The following B4GALT6 variants were observed in gnomAD, a reference collection of about 807,000 sequenced individuals.
B4GALT6 encodes the protein UDP-Gal:beta-GlcNAc beta-1,4-galactosyltransferase 6.
In B4GALT6, 14 loss-of-function variants were observed where a neutral mutation model predicts 46.3. The ratio of observed to expected loss-of-function variants is 0.30; its 90% CI spans 0.20 to 0.47. The LOEUF is 0.47. Among genes scored for constraint, B4GALT6 ranks in the 20% least tolerant of loss-of-function variants. The probability of loss-of-function intolerance (pLI) is 0.99; values close to 1 mark genes in which losing one functional copy is unlikely to be tolerated. For synonymous variants in B4GALT6, 168 were observed against 162.0 expected, an observed-to-expected ratio of 1.04 and a Z score of -0.28; for missense variants, 386 against 480.1, an observed-to-expected ratio of 0.80 and a Z score of 1.83.
chr18:31,717,942 G>A, the B4GALT6 span, among the ~76,000 whole-genome samples: 12 of 95,570 alleles, frequency 1.3e-4, no homozygotes, highest in East Asian at 1.7e-3. Context: ...CAAAAAGAGC[G>A]AAACTCCGTC....
upstream of B4GALT6, chr18:31,684,742 G>A (rs1317964300): frequency 1.8e-6 from 2 of 1,097,134 alleles, no homozygotes; most frequent in East Asian, 5.9e-5. Flanking sequence ...GAGGAGGAGC[G>A]TTTTCTCCGC....
At chr18:31,707,650 C>T in the B4GALT6 span, among the ~76,000 whole-genome samples, 6 of 152,212 alleles carry the variant, frequency 3.9e-5, no homozygotes, top group African/African-American at 1.2e-4. Flanking sequence ...TTAATCTTCC[C>T]TGACATTGTC....
chr18:31,716,676 C>G, the B4GALT6 span, among the ~76,000 whole-genome samples: 1 of 152,174 alleles, frequency 6.6e-6, no homozygotes, highest in Non-Finnish European at 1.5e-5. Context: ...AGAAGTTGAC[C>G]TACCCTGGAA....
chr18:31,629,237 T>C (rs1476793677), intron 6 of B4GALT6, among the ~76,000 whole-genome samples: 2 of 152,126 alleles, frequency 1.3e-5, no homozygotes, highest in African/African-American at 4.8e-5. Context: ...AGTTAAGCTT[T>C]TGGGGAGTCA....
At position 31,625,746 on chromosome 18, in the gene B4GALT6, C is replaced by T; in HGVS notation, c.1017G>A (p.Arg339=). 1.3e-6 allele frequency: 2 copies of T among 1,591,420 alleles called. No individual in the cohort carries two copies. Among genetic ancestry groups the T allele is most frequent in the Non-Finnish European group, 1.7e-6 (2 of 1,173,688 alleles). The part of the protein sequence containing the change: ...VQFLGRYKLL[R]YSKERQYIDG... ...CGATGTACTGACGCTCCTTGGAATA[C>T]CTTAGTAATTTATACCTATAGTTTT... Residue 339 remains arginine, a synonymous_variant, in exon 9 of 9, where the codon AGG becomes AGA. Coordinates refer to ENST00000306851, the MANE Select transcript of B4GALT6 (RefSeq NM_004775.5).
At chr18:31,661,499 A>C (rs942355851) in intron 2 of B4GALT6, among the ~76,000 whole-genome samples, 4 of 152,208 alleles carry the variant, frequency 2.6e-5, no homozygotes, top group Non-Finnish European at 5.9e-5. Flanking sequence ...ATAAATATTG[A>C]ATGGCAAGTT....
At chr18:31,697,043 AGT>A in the B4GALT6 span, among the ~76,000 whole-genome samples, 2 of 152,168 alleles carry the variant, frequency 1.3e-5, no homozygotes, top group Non-Finnish European at 2.9e-5. Context: ...AGCTGAGGCA[AGT>A]GGATCACTTG....
At chr18:31,668,244 T>A (rs917190423) in intron 1 of B4GALT6, among the ~76,000 whole-genome samples, 1 of 152,054 alleles carries the variant, frequency 6.6e-6, no homozygotes, top group South Asian at 2.1e-4. Flanking sequence ...CACTTGTAAG[T>A]GGGAGCTAGA....
chr18:31,674,853 T>A (rs1598927944), intron 1 of B4GALT6, among the ~76,000 whole-genome samples: 1 of 146,772 alleles, frequency 6.8e-6, no homozygotes, highest in Non-Finnish European at 1.5e-5. Flanking sequence ...CCAGGCTGTT[T>A]AAAAAAAAAA....
chr18:31,674,303 T>C (rs754706589), intron 1 of B4GALT6, among the ~76,000 whole-genome samples: 44 of 152,038 alleles, frequency 2.9e-4, no homozygotes, highest in Non-Finnish European at 6.0e-4. Flanking sequence ...TTGGAAGAAA[T>C]GTTGGTTCAA....
At chr18:31,710,194 A>T in the B4GALT6 span, among the ~76,000 whole-genome samples, 1 of 152,176 alleles carries the variant, frequency 6.6e-6, no homozygotes, top group African/African-American at 2.4e-5. Flanking sequence ...ACCAAGTCAC[A>T]CAAGTATAAA....
At chr18:31,639,093 ACCAAAAATTGACTCAGGGAGCTAGTTAGG>A (rs1159123865) in intron 4 of B4GALT6, among the ~76,000 whole-genome samples, 1 of 152,216 alleles carries the variant, frequency 6.6e-6, no homozygotes, top group African/African-American at 2.4e-5. Context: ...ACTGGAGAAG[ACCAAAAATTGACTCAGGGAGCTAGTTAGG>A]CAATTAGTAC....
At chr18:31,690,277 GC>G (rs1439857594), upstream of B4GALT6, among the ~76,000 whole-genome samples, 1 of 150,282 alleles carries the variant, frequency 6.7e-6, no homozygotes, top group African/African-American at 2.5e-5. Flanking sequence ...GATTACAGGT[GC>G]CCACCACCAT....
intron 5 of B4GALT6, 133 bp downstream of exon 5, chr18:31,638,511 A>G (rs1210775220): frequency 1.3e-6 from 1 of 771,116 alleles, no homozygotes; most frequent in Admixed American, 2.3e-5. Flanking sequence ...TGGGCAACAC[A>G]GCAAGACTCT....
At chr18:31,646,160 T>C (rs543992618) in intron 3 of B4GALT6, among the ~76,000 whole-genome samples, 1 of 152,360 alleles carries the variant, frequency 6.6e-6, no homozygotes, top group Admixed American at 6.5e-5. Flanking sequence ...AAAGTACTGA[T>C]TCTGAGCACT....
chr18:31,628,414 T>C (rs145784037), intron 6 of B4GALT6, among the ~76,000 whole-genome samples: 167 of 152,320 alleles, frequency 1.1e-3, no homozygotes, highest in African/African-American at 3.8e-3. Context: ...TAAATGTGTC[T>C]GTGTGCTTAT....
chr18:31,719,150 A>C, the B4GALT6 span: 2 of 152,148 alleles, frequency 1.3e-5, no homozygotes, highest in Non-Finnish European at 2.9e-5. Context: ...TTTTTTGGAG[A>C]GATAAATAGT....
chr18:31,694,723 T>G, the B4GALT6 span, among the ~76,000 whole-genome samples: 1 of 152,220 alleles, frequency 6.6e-6, no homozygotes, highest in African/African-American at 2.4e-5. Flanking sequence ...AATAGAAATG[T>G]TCCCTGTTTT....
intron 6 of B4GALT6, among the ~76,000 whole-genome samples, chr18:31,628,827 T>G (rs568600762): frequency 7.9e-5 from 12 of 152,246 alleles, no homozygotes; most frequent in Non-Finnish European, 1.3e-4. Flanking sequence ...TAGATGGATA[T>G]GAATACAGCT....
Sources: allele counts gnomAD v4.1 joint callset (sites outside exome capture counted in the v4.1 genomes callset), GRCh38; gene constraint gnomAD v4.1.1; transcripts MANE v1.5; gene names NCBI Gene and HGNC (gene_info 2026-07-23, HGNC 2026-07-21).